The following RANBP2 variants were observed in gnomAD, a reference collection of about 807,000 sequenced individuals.
The protein encoded by RANBP2 is E3 SUMO-protein ligase RanBP2.
RANBP2 carries 57 observed loss-of-function variants against 303.6 expected under a neutral mutation model. That is an observed-to-expected ratio of 0.19 (90% CI 0.15 to 0.23). The LOEUF is 0.23. RANBP2 is among the 10% of genes least tolerant of loss of function. The probability of loss-of-function intolerance (pLI) is 1.00; values close to 1 mark genes in which losing one functional copy is unlikely to be tolerated. For missense variants in RANBP2, 3,138 were observed against 3,780.8 expected (o/e 0.83, Z 4.46); for synonymous variants, 1,167 against 1,301.5 (o/e 0.90, Z 2.23).
chr2:108,990,387 C>T, the RANBP2 span, among the ~76,000 whole-genome samples: 10 of 148,164 alleles, frequency 6.7e-5, no homozygotes, highest in East Asian at 1.6e-3. Context: ...GCCGAGATTG[C>T]GCCACTGCAG....
the RANBP2 span, among the ~76,000 whole-genome samples, chr2:109,180,488 A>G: frequency 7.2e-5 from 11 of 152,120 alleles, no homozygotes; most frequent in Middle Eastern, 3.4e-3. Context: ...CTGTATCCCC[A>G]CCCAAATCTC....
At chr2:109,041,034 C>T in the RANBP2 span, among the ~76,000 whole-genome samples, 1 of 151,062 alleles carries the variant, frequency 6.6e-6, no homozygotes, top group African/African-American at 2.4e-5. Context: ...CCAGCCTGGG[C>T]GACAGAGCTA....
chr2:109,491,068 T>TC, the RANBP2 span: 1 of 812,040 alleles, frequency 1.2e-6, no homozygotes, highest in African/African-American at 1.8e-5. Context: ...AACACCCAGA[T>TC]CCACATGGTC....
chr2:109,115,557 G>A, the RANBP2 span, among the ~76,000 whole-genome samples: 7 of 151,484 alleles, frequency 4.6e-5, no homozygotes, highest in Non-Finnish European at 7.4e-5. Context: ...TGAATACAGC[G>A]CACTGATGGG....
the RANBP2 span, among the ~76,000 whole-genome samples, chr2:109,007,564 C>G: frequency 6.6e-6 from 1 of 152,174 alleles, no homozygotes; most frequent in Non-Finnish European, 1.5e-5. Flanking sequence ...TGGGGCTGTT[C>G]CACAGATATC....
At chr2:108,989,637 A>T in the RANBP2 span, among the ~76,000 whole-genome samples, 5 of 152,086 alleles carry the variant, frequency 3.3e-5, no homozygotes, top group African/African-American at 1.2e-4. Context: ...AGCCACCAGG[A>T]CTGCTCTTCC....
At chr2:109,723,468 T>C in the RANBP2 span, among the ~76,000 whole-genome samples, 1 of 152,204 alleles carries the variant, frequency 6.6e-6, no homozygotes, top group African/African-American at 2.4e-5. Context: ...CCATTCTGAC[T>C]GGAATAAGAT....
chr2:108,814,553 A>G, the RANBP2 span, among the ~76,000 whole-genome samples: 1 of 151,890 alleles, frequency 6.6e-6, no homozygotes, highest in African/African-American at 2.4e-5. Context: ...TTTTGTCTTT[A>G]GTCATTCTGA....
At chr2:109,237,483 CT>C in the RANBP2 span, among the ~76,000 whole-genome samples, 1 of 152,218 alleles carries the variant, frequency 6.6e-6, no homozygotes, top group Non-Finnish European at 1.5e-5. Context: ...GATTGGAAGT[CT>C]TTAAAACAAG....
At chr2:108,870,028 C>T in the RANBP2 span, among the ~76,000 whole-genome samples, 1 of 152,088 alleles carries the variant, frequency 6.6e-6, no homozygotes, top group Non-Finnish European at 1.5e-5. Context: ...GCTCAATGAG[C>T]TAATGAGAAA....
chr2:109,513,873 C>G, the RANBP2 span, among the ~76,000 whole-genome samples: 59 of 151,620 alleles, frequency 3.9e-4, no homozygotes, highest in African/African-American at 1.4e-3. Context: ...CAGCATCCAA[C>G]AAAGCACTTC....
the RANBP2 span, among the ~76,000 whole-genome samples, chr2:109,431,621 C>T: frequency 1.3e-5 from 2 of 152,172 alleles, no homozygotes; most frequent in Admixed American, 1.3e-4. Context: ...GGTGTAATCC[C>T]AGCACTTTGG....
At chr2:108,936,471 G>A in the RANBP2 span, among the ~76,000 whole-genome samples, 3 of 42,608 alleles carry the variant, frequency 7.0e-5, no homozygotes, top group Non-Finnish European at 1.8e-4. Flanking sequence ...CAGCCACAGA[G>A]CTGGCTGCGG....
the RANBP2 span, among the ~76,000 whole-genome samples, chr2:109,014,860 G>A: frequency 2.6e-5 from 4 of 152,246 alleles, no homozygotes; most frequent in East Asian, 1.9e-4. Flanking sequence ...GGTGGCTCAC[G>A]CCTGTAATCC....
the RANBP2 span, among the ~76,000 whole-genome samples, chr2:108,926,203 T>C: frequency 2.0e-5 from 3 of 152,202 alleles, no homozygotes; most frequent in Non-Finnish European, 4.4e-5. Flanking sequence ...GGTGTTCATT[T>C]AGGGATCTCT....
At chr2:108,753,736 G>C in intron 14 of RANBP2, 89 bp from the exon 15 acceptor site, 1 of 1,607,542 alleles carries the variant, frequency 6.2e-7, no homozygotes. Context: ...GAGTAGCTGG[G>C]ATTACAGGCA....
chr2:109,171,544 G>A, the RANBP2 span, among the ~76,000 whole-genome samples: 42 of 152,362 alleles, frequency 2.8e-4, no homozygotes, highest in African/African-American at 9.4e-4. Flanking sequence ...CCCGCGGCGG[G>A]CCAGGGAAGT....
the RANBP2 span, among the ~76,000 whole-genome samples, chr2:109,264,697 T>C: frequency 1.3e-5 from 2 of 152,216 alleles, no homozygotes; most frequent in Non-Finnish European, 2.9e-5. Context: ...GGATGCTAGA[T>C]GTTTCCGTAA....
the RANBP2 span, among the ~76,000 whole-genome samples, chr2:109,075,561 A>G: frequency 7.5e-6 from 1 of 133,048 alleles, no homozygotes; most frequent in South Asian, 2.6e-4. Flanking sequence ...AAATAAAATC[A>G]ACATGCCCTT....
Sources: gnomAD v4.1 joint callset for allele counts (sites outside exome capture counted in the v4.1 genomes callset) on GRCh38, gnomAD v4.1.1 for gene constraint, MANE v1.5 for transcripts, NCBI Gene and HGNC (gene_info 2026-07-23, HGNC 2026-07-21) for gene names.